Variants in GLI2 observed in about 807,000 individuals in gnomAD.
GLI2 encodes transcription activator GLI2.
GLI2 carries 22 observed loss-of-function variants against 78.9 expected under a neutral mutation model. That is an observed-to-expected ratio of 0.28 (90% CI 0.20 to 0.40). The LOEUF (loss-of-function observed/expected upper bound fraction) is 0.40, where lower values mean the gene tolerates loss of function less well. Among genes scored for constraint, GLI2 ranks in the 10% least tolerant of loss-of-function variants. The pLI, the probability that GLI2 is intolerant of heterozygous loss-of-function variation, is 1.00. For missense variants in GLI2, 2,097 were observed against 2,213.2 expected (o/e 0.95, Z 1.05); for synonymous variants, 974 against 963.7 (o/e 1.01, Z -0.20).
rs191547112 is a variant in GLI2 at position 120,843,455 on chromosome 2, T to C, written c.148+45987T>C. On this transcript the variant is annotated intron_variant, in intron 2 of 13. Transcript: ENST00000361492. The stretch of plus-strand genomic sequence containing the variant: ...GCTGTACCCAGTCTGTGTTTTGGAG[T>C]TCACAAAAATAACCTCAAATGAGAT... 9.8e-5 allele frequency among the ~76,000 whole-genome samples: 15 copies of C among 152,304 alleles called. No homozygotes were observed. The East Asian group carries it at 2.5e-3, about 25-fold the overall frequency.
At chr2:120,753,106 T>TG (rs1299178305) in intron 1 of GLI2, among the ~76,000 whole-genome samples, 4 of 149,896 alleles carry the variant, frequency 2.7e-5, no homozygotes, top group African/African-American at 9.9e-5. Context: ...TTTTTTTTTT[T>TG]TTTTTTGAGA....
intron 2 of GLI2, among the ~76,000 whole-genome samples, chr2:120,873,342 A>G (rs1239918312): frequency 6.6e-6 from 1 of 152,248 alleles, no homozygotes; most frequent in Non-Finnish European, 1.5e-5. Context: ...TAAACCTAAT[A>G]GTAATAGACC....
chr2:120,765,092 C>T (rs79382529), intron 1 of GLI2, among the ~76,000 whole-genome samples: 1,866 of 152,308 alleles, frequency 0.012, 41 homozygotes, highest in African/African-American at 0.043. Flanking sequence ...TTCCTCCTAC[C>T]CCCTTCAGGA....
chr2:120,797,307 G>A lies in GLI2; in HGVS notation c.-14G>A, dbSNP rs779228206. ...CTCTTTTAGGATTGCCACCCAGGACGATGAGCGGCTGAGATGGAGACGTCT... is the reference window on the plus strand; with the variant it reads ...CTCTTTTAGGATTGCCACCCAGGACAATGAGCGGCTGAGATGGAGACGTCT... On this transcript the variant is annotated 5_prime_UTR_variant, in exon 2 of 14. Transcript: ENST00000361492. The A allele has an allele frequency of 1.1e-5, 18 of 1,613,710 alleles. No individual in the cohort carries two copies. Among genetic ancestry groups the A allele is most frequent in the South Asian group, 3.3e-5 (3 of 91,056 alleles).
intron 8 of GLI2, among the ~76,000 whole-genome samples, chr2:120,972,388 G>T (rs993924112): frequency 1.3e-5 from 2 of 152,234 alleles, no homozygotes; most frequent in African/African-American, 4.8e-5. Flanking sequence ...ACCAGCCACA[G>T]CCTAGTTGAG....
intron 2 of GLI2, among the ~76,000 whole-genome samples, chr2:120,884,571 C>A (rs1482164339): frequency 1.3e-5 from 2 of 152,192 alleles, no homozygotes; most frequent in African/African-American, 2.4e-5. Flanking sequence ...CCCCCTCACA[C>A]ATTCTTTTCA....
chr2:120,925,061 G>A (rs544920127), intron 2 of GLI2, among the ~76,000 whole-genome samples: 12 of 152,300 alleles, frequency 7.9e-5, no homozygotes, highest in East Asian at 5.8e-4. Context: ...CCCAGCCTCC[G>A]GAGCACCTGG....
chr2:120,972,200 G>T lies in GLI2; in HGVS notation c.1182+137G>T, dbSNP rs180989581. ...TGAATGAGTGACCCAGGGAGGACTGGGTGGGAATGCTGAGCTGTGACTTTC... is the reference window on the plus strand; with the variant it reads ...TGAATGAGTGACCCAGGGAGGACTGTGTGGGAATGCTGAGCTGTGACTTTC... On this transcript the variant is annotated intron_variant, in intron 8 of 13. Transcript: ENST00000361492. The T allele has an allele frequency of 8.5e-6, 8 of 944,766 alleles. No homozygotes were observed. The African/African-American group carries it at 1.3e-4, about 15-fold the overall frequency. 58.5% of individuals were successfully genotyped at this position (944,766 alleles called of 1,614,324 possible).
chr2:120,982,408 A>G (rs1273298835), intron 10 of GLI2, among the ~76,000 whole-genome samples: 1 of 151,266 alleles, frequency 6.6e-6, no homozygotes, highest in East Asian at 2.0e-4. Context: ...TATGTAACTG[A>G]ATACTTGACA....
chr2:120,921,095 G>A (rs184191594), intron 2 of GLI2, among the ~76,000 whole-genome samples: 2 of 152,110 alleles, frequency 1.3e-5, no homozygotes, highest in Non-Finnish European at 2.9e-5. Flanking sequence ...TGGCCAGGGG[G>A]CTCTGAGCAA....
chr2:120,989,419 G>C lies in GLI2; in HGVS notation c.3454G>C (p.Gly1152Arg). 1 of 1,613,084 alleles carries C rather than the reference G, an allele frequency of 6.2e-7. No homozygotes were observed. Among genetic ancestry groups the C allele is most frequent in the South Asian group, 1.1e-5 (1 of 91,084 alleles). Residue 1152 changes from glycine to arginine, a missense_variant, in exon 14 of 14, where the codon GGC becomes CGC. Gly to Arg is a moderately radical substitution (Grantham distance 125). Around this residue, in one of 5 missense-constraint regions of GLI2, gnomAD observed 1,290 missense variants for 1,261.7 expected, o/e 1.02. Coordinates refer to ENST00000361492, the MANE Select transcript of GLI2 (RefSeq NM_001374353.1). ...SQVKPPPFPQ[G>R]NLAVVQQKPA... is the part of the protein sequence containing the mutation. Reference sequence around the variant, plus strand: ...GGTGAAGCCTCCACCCTTTCCTCAGGGCAACCTGGCGGTGGTGCAGCAGAA... The same window carrying C: ...GGTGAAGCCTCCACCCTTTCCTCAGCGCAACCTGGCGGTGGTGCAGCAGAA...
rs560735644 is a variant in GLI2 at position 120,739,490 on chromosome 2, C to T, written c.-31+3205C>T. Among the ~76,000 whole-genome samples the T allele has an allele frequency of 3.3e-5, 5 of 152,312 alleles. No individual in the cohort carries two copies. The South Asian group carries it at 8.3e-4, about 25-fold the overall frequency. On this transcript the variant is annotated intron_variant, in intron 1 of 13. Transcript: ENST00000361492. ...CTTTTCCTGGGGAAAGTGTGTTTAG[C>T]CCAGCTTCCTTTCATCTGCATGGCT...
intron 2 of GLI2, among the ~76,000 whole-genome samples, chr2:120,919,052 A>G (rs1234897580): frequency 1.3e-5 from 2 of 152,100 alleles, no homozygotes; most frequent in African/African-American, 2.4e-5. Context: ...TTTCTTCTAC[A>G]CTAGCGCCTT....
intron 2 of GLI2, among the ~76,000 whole-genome samples, chr2:120,908,294 G>A (rs537211645): frequency 7.2e-5 from 11 of 152,338 alleles, no homozygotes; most frequent in African/African-American, 1.4e-4. Context: ...TGTCCAGAGC[G>A]TGGCATGGAC....
intron 2 of GLI2, among the ~76,000 whole-genome samples, chr2:120,890,349 C>T (rs892717938): frequency 1.3e-5 from 2 of 152,138 alleles, no homozygotes; most frequent in South Asian, 2.1e-4. Context: ...GGGTGCTCAT[C>T]GTGACAGAAC....
At chr2:120,759,700 C>T (rs986917790) in intron 1 of GLI2, among the ~76,000 whole-genome samples, 3 of 152,040 alleles carry the variant, frequency 2.0e-5, no homozygotes, top group African/African-American at 4.8e-5. Flanking sequence ...CTGATTAAAC[C>T]GTTGGCCATT....
intron 1 of GLI2, among the ~76,000 whole-genome samples, chr2:120,779,731 C>T (rs1411692950): frequency 6.6e-6 from 1 of 152,246 alleles, no homozygotes; most frequent in African/African-American, 2.4e-5. Flanking sequence ...CCCAAGGGCA[C>T]ACAGTAGGTT....
intron 2 of GLI2, among the ~76,000 whole-genome samples, chr2:120,816,204 T>TG (rs1685485647): frequency 6.6e-6 from 1 of 151,034 alleles, no homozygotes; most frequent in Non-Finnish European, 1.5e-5. Flanking sequence ...TTTTTTTTTT[T>TG]TTTTGAGACT....
chr2:120,865,505 C>T (rs1171541567), intron 2 of GLI2, among the ~76,000 whole-genome samples: 1 of 152,176 alleles, frequency 6.6e-6, no homozygotes, highest in Admixed American at 6.5e-5. Context: ...GTTCCCTTCC[C>T]TTGTTTTCTT....
Sources: gnomAD v4.1 joint callset for allele counts (sites outside exome capture counted in the v4.1 genomes callset) on GRCh38, gnomAD v4.1.1 for gene constraint, gnomAD v4.1.1 regional missense constraint, MANE v1.5 for transcripts, NCBI Gene and HGNC (gene_info 2026-07-23, HGNC 2026-07-21) for gene names.